Variants in CSMD1 observed in about 807,000 individuals in gnomAD.
CSMD1 encodes the protein CUB and Sushi multiple domains 1, also known as CUB and sushi domain-containing protein 1.
A neutral mutation model predicts 417.5 loss-of-function variants in CSMD1; 213 were observed. The ratio of observed to expected loss-of-function variants is 0.51; its 90% CI spans 0.46 to 0.57. The LOEUF is 0.57. Among genes scored for constraint, CSMD1 ranks in the 20% least tolerant of loss-of-function variants. The pLI, the probability that CSMD1 is intolerant of heterozygous loss-of-function variation, is 0.00. For missense variants in CSMD1, 6,923 were observed against 4,529.7 expected (o/e 1.53, Z -15.17); for synonymous variants, 2,862 against 1,736.8 (o/e 1.65, Z -16.11).
intron 23 of CSMD1, among the ~76,000 whole-genome samples, chr8:3,324,997 T>C (rs1211009953): frequency 1.3e-5 from 2 of 152,350 alleles, no homozygotes; most frequent in East Asian, 1.9e-4. Flanking sequence ...AAAGCATTTG[T>C]TGTAGAAATA....
intron 3 of CSMD1, among the ~76,000 whole-genome samples, chr8:4,365,872 G>A (rs1802038555): frequency 1.3e-5 from 2 of 152,148 alleles, no homozygotes; most frequent in Admixed American, 1.3e-4. Flanking sequence ...TACTTAAAGA[G>A]TAATTTTCTT....
intron 1 of CSMD1, among the ~76,000 whole-genome samples, chr8:4,721,423 T>C (rs1809044463): frequency 6.6e-6 from 1 of 152,128 alleles, no homozygotes. Flanking sequence ...CTACTACAAA[T>C]CAGATTCTGA....
At chr8:3,473,885 T>C (rs745776754) in intron 11 of CSMD1, among the ~76,000 whole-genome samples, 9 of 152,020 alleles carry the variant, frequency 5.9e-5, no homozygotes, top group Non-Finnish European at 1.0e-4. Context: ...CTTACAATCA[T>C]GGTAGAGGGT....
intron 1 of CSMD1, among the ~76,000 whole-genome samples, chr8:4,812,704 TA>T (rs1247707277): frequency 6.6e-6 from 1 of 152,170 alleles, no homozygotes; most frequent in African/African-American, 2.4e-5. Context: ...AAGAAACATG[TA>T]AAAAATACTA....
intron 5 of CSMD1, among the ~76,000 whole-genome samples, chr8:3,833,528 A>G (rs1462028219): frequency 6.6e-6 from 1 of 152,098 alleles, no homozygotes; most frequent in African/African-American, 2.4e-5. Flanking sequence ...ATTTTTTTCA[A>G]TGAAGAAGCA....
chr8:3,957,623 G>A (rs185681752), intron 5 of CSMD1, among the ~76,000 whole-genome samples: 17 of 152,208 alleles, frequency 1.1e-4, no homozygotes, highest in South Asian at 6.2e-4. Flanking sequence ...GTTCGGGGTT[G>A]CAGTGAACTA....
At chr8:4,775,893 A>C (rs909031296) in intron 1 of CSMD1, among the ~76,000 whole-genome samples, 1 of 152,196 alleles carries the variant, frequency 6.6e-6, no homozygotes, top group Non-Finnish European at 1.5e-5. Flanking sequence ...AGGCAGAGAG[A>C]GGACAAGTTA....
At chr8:4,710,202 T>C (rs1808199602) in intron 1 of CSMD1, among the ~76,000 whole-genome samples, 2 of 151,934 alleles carry the variant, frequency 1.3e-5, no homozygotes, top group African/African-American at 4.8e-5. Flanking sequence ...ATAAAATATA[T>C]ATACGTATCT....
At position 3,185,195 on chromosome 8, in the gene CSMD1, A is replaced by G. The variant is rs112502643; in HGVS notation, c.5620+2674T>C. Among the ~76,000 whole-genome samples, 321 of 152,360 alleles carry G rather than the reference A, an allele frequency of 2.1e-3. 2 individuals are homozygous for G. Among genetic ancestry groups the G allele is most frequent in the African/African-American group, 7.4e-3 (309 of 41,592 alleles). On this transcript the variant is annotated intron_variant, in intron 36 of 69. Coordinates refer to ENST00000635120, the MANE Select transcript of CSMD1 (RefSeq NM_033225.6). ...AGTCCTGTGGAGAAGCATGAAGTGC[A>G]CGAACTCCGTGCTAACTCCAGGAAA...
intron 3 of CSMD1, among the ~76,000 whole-genome samples, chr8:4,067,472 G>A (rs1285478920): frequency 7.9e-6 from 1 of 126,522 alleles, no homozygotes; most frequent in Non-Finnish European, 1.8e-5. Flanking sequence ...CTTTTCACAT[G>A]AAATAAATTA....
Position 3,996,505 on chromosome 8 carries a change from G to C in CSMD1, c.818+1398C>G, listed in dbSNP as rs192498348. On this transcript the variant is annotated intron_variant, in intron 5 of 69. Transcript: ENST00000635120. ...GACTTGTCTGAAGTCATAAGGATTT[G>C]CTTTTGGCAGAACCTGTGGTATAAC... Among the ~76,000 whole-genome samples the C allele has an allele frequency of 2.1e-3, 317 of 151,804 alleles. 2 individuals are homozygous for C. The highest frequency in any genetic ancestry group is 7.2e-3 in the African/African-American group (296 of 41,394).
At chr8:4,164,140 C>A (rs1051776173) in intron 3 of CSMD1, among the ~76,000 whole-genome samples, 2 of 151,288 alleles carry the variant, frequency 1.3e-5, no homozygotes, top group East Asian at 1.9e-4. Flanking sequence ...TGATAGTGTT[C>A]TCTTAAAATG....
At chr8:3,896,303 T>C (rs750743023) in intron 5 of CSMD1, among the ~76,000 whole-genome samples, 1 of 152,102 alleles carries the variant, frequency 6.6e-6, no homozygotes, top group African/African-American at 2.4e-5. Context: ...TTGGGAAAAA[T>C]GCATAAATGT....
chr8:2,938,797 A>G (rs185597376), intron 69 of CSMD1, 53 bp from the exon 70 acceptor site: 24 of 1,500,858 alleles, frequency 1.6e-5, no homozygotes, highest in Admixed American at 5.9e-5. Flanking sequence ...TTGCAGATTT[A>G]GCAGCTGGGA....
At chr8:4,844,943 G>A (rs1233554401) in intron 1 of CSMD1, among the ~76,000 whole-genome samples, 2 of 152,140 alleles carry the variant, frequency 1.3e-5, no homozygotes, top group Admixed American at 1.3e-4. Flanking sequence ...ATAGACACCA[G>A]TCAATTTGGC....
At chr8:4,894,456 G>T (rs572402557) in intron 1 of CSMD1, among the ~76,000 whole-genome samples, 1 of 151,658 alleles carries the variant, frequency 6.6e-6, no homozygotes, top group Admixed American at 6.6e-5. Flanking sequence ...GGGAGGCTGA[G>T]GCAGGAGAAT....
intron 21 of CSMD1, among the ~76,000 whole-genome samples, chr8:3,351,902 G>T: frequency 6.6e-6 from 1 of 151,816 alleles, no homozygotes; most frequent in East Asian, 1.9e-4. Flanking sequence ...TTTAAATTAT[G>T]ACTTTTACAT....
intron 3 of CSMD1, among the ~76,000 whole-genome samples, chr8:4,395,699 T>C (rs901423661): frequency 6.6e-6 from 1 of 152,112 alleles, no homozygotes; most frequent in Non-Finnish European, 1.5e-5. Flanking sequence ...CAAACATGTA[T>C]GATGAAGAGT....
At chr8:3,563,256 G>C (rs1282629315) in intron 10 of CSMD1, among the ~76,000 whole-genome samples, 1 of 151,618 alleles carries the variant, frequency 6.6e-6, no homozygotes, top group East Asian at 1.9e-4. Flanking sequence ...CGGGATTTTA[G>C]TGACTTTTCT....
Sources: gnomAD v4.1 joint callset for allele counts (sites outside exome capture counted in the v4.1 genomes callset) on GRCh38, gnomAD v4.1.1 for gene constraint, MANE v1.5 for transcripts, NCBI Gene and HGNC (gene_info 2026-07-23, HGNC 2026-07-21) for gene names.